Variants in MYH13 observed in about 807,000 individuals in gnomAD.
MYH13 encodes the protein myosin-13.
A neutral mutation model predicts 232.1 loss-of-function variants in MYH13; 177 were observed. That is an observed-to-expected ratio of 0.76 (90% CI 0.67 to 0.86). The LOEUF is 0.86. MYH13 is among the 40% of genes least tolerant of loss of function. The probability of loss-of-function intolerance (pLI) is 0.00; values close to 1 mark genes in which losing one functional copy is unlikely to be tolerated. For synonymous variants in MYH13, 884 were observed against 923.5 expected, an observed-to-expected ratio of 0.96 and a Z score of 0.78; for missense variants, 2,246 against 2,405.9, an observed-to-expected ratio of 0.93 and a Z score of 1.39.
chr17:10,367,930 A>G (rs2071849403), intron 2 of MYH13, among the ~76,000 whole-genome samples: 1 of 152,226 alleles, frequency 6.6e-6, no homozygotes, highest in African/African-American at 2.4e-5. Flanking sequence ...GACAAGTGGT[A>G]GTTTCTTAAA....
At position 10,326,981 on chromosome 17, in the gene MYH13, GTTTTTTTTTTTTTTT is replaced by G. The variant is rs61543278; in HGVS notation, c.2691+870_2691+884del. Among the ~76,000 whole-genome samples the G allele has an allele frequency of 7.4e-3, 411 of 55,808 alleles. 40 individuals carry two copies. Among genetic ancestry groups the G allele is most frequent in the African/African-American group, 0.028 (365 of 12,816 alleles). The allele number at this position is 55,808 out of a possible 152,430, so 36.6% of individuals were successfully genotyped here. A position where few individuals can be genotyped will look rare whatever the true frequency, so the allele number is the denominator to read the frequency against. ...GAGACATGCACCACCATGCCTACTA[GTTTTTTTTTTTTTTT>G]TTTTTTTTTTTTTTTTTTTTTTTGA... On this transcript the variant is annotated intron_variant, in intron 22 of 40. Transcript: ENST00000252172.
chr17:10,345,692 A>T (rs1567668430), intron 13 of MYH13, 76 bp from the exon 14 acceptor site: 1 of 1,609,362 alleles, frequency 6.2e-7, no homozygotes, highest in South Asian at 1.1e-5. Flanking sequence ...TATGAAATTG[A>T]CTCGAAAATC....
At position 10,350,543 on chromosome 17, in the gene MYH13, C is replaced by T. The variant is rs1419848216; in HGVS notation, c.1144+13G>A. The T allele has an allele frequency of 3.1e-6, 5 of 1,610,482 alleles. No individual in the cohort carries two copies. The South Asian group carries it at 5.5e-5, about 18-fold the overall frequency. ...GATGGACCCAATCGCATCCCTTTCC[C>T]AGATGCAGTTACCTTCGGTGCCGTC... is the stretch of plus-strand genomic sequence containing the variant. On this transcript the variant is annotated intron_variant, in intron 12 of 40. Transcript: ENST00000252172.
At chr17:10,324,569 C>T (rs1305816521) in intron 22 of MYH13, among the ~76,000 whole-genome samples, 1 of 152,044 alleles carries the variant, frequency 6.6e-6, no homozygotes, top group Non-Finnish European at 1.5e-5. Context: ...CTCAGCCTCC[C>T]GAGTTGCTGG....
chr17:10,314,186 G>A (rs1457473070), intron 29 of MYH13, among the ~76,000 whole-genome samples: 6 of 152,196 alleles, frequency 3.9e-5, no homozygotes, highest in South Asian at 2.1e-4. Flanking sequence ...TTGGGAGGCC[G>A]AGATGGGCGG....
Position 10,333,148 on chromosome 17 carries a change from G to C in MYH13, c.2100C>G (p.Asn700Lys), listed in dbSNP as rs2240579. 8 of 1,551,512 alleles carry C rather than the reference G, an allele frequency of 5.2e-6. No homozygotes were observed. Among genetic ancestry groups the C allele is most frequent in the Non-Finnish European group, 7.0e-6 (8 of 1,146,948 alleles). ...HYLVMHQLRCNGVLEGIRICR... is the reference protein window; with the variant it reads ...HYLVMHQLRCKGVLEGIRICR... ...AAATCCGGATGCCCTCGAGGACCCCGTTACAGCGCAGCTGGTGCATGACCA... is the reference window on the plus strand; with the variant it reads ...AAATCCGGATGCCCTCGAGGACCCCCTTACAGCGCAGCTGGTGCATGACCA... The change falls in exon 19 of 41, where the codon AAC (asparagine) becomes AAG (lysine). Residue 700 changes from asparagine to lysine, a missense_variant. By Grantham distance (94) the Asn-to-Lys change is moderately conservative. Coordinates refer to ENST00000252172, the MANE Select transcript of MYH13 (RefSeq NM_003802.3).
intron 11 of MYH13, among the ~76,000 whole-genome samples, chr17:10,354,198 A>T (rs1269453573): frequency 1.3e-5 from 2 of 152,178 alleles, no homozygotes; most frequent in African/African-American, 4.8e-5. Flanking sequence ...CAAAATAAAC[A>T]CCACAGGCCT....
Position 10,303,641 on chromosome 17 carries a change from T to G in MYH13, c.5467-143A>C, listed in dbSNP as rs147953917. 224 of 684,860 alleles carry G rather than the reference T, an allele frequency of 3.3e-4. 3 individuals carry two copies. In the East Asian group the frequency reaches 5.8e-3, roughly 18 times the overall value. 42.4% of individuals were successfully genotyped at this position (684,860 alleles called of 1,614,324 possible). On this transcript the variant is annotated intron_variant, in intron 37 of 40. Transcript: ENST00000252172. ...AGGAAACAACAGATGCTGGAGAGGA[T>G]GTGGAGAAATAGGAACACTTTTACA...
Position 10,315,666 on chromosome 17 carries a change from A to C in MYH13, c.3984+27T>G, listed in dbSNP as rs564300908. The stretch of plus-strand genomic sequence containing the variant: ...AAGTGGTCATATAGCCTGGCTTCTC[A>C]GGTTCAATCTGACTCTATATCTTTA... On this transcript the variant is annotated intron_variant, in intron 29 of 40. Transcript: ENST00000252172. 3.1e-6 allele frequency: 5 copies of C among 1,597,508 alleles called. No homozygotes were observed. The South Asian group carries it at 5.6e-5, about 18-fold the overall frequency.
chr17:10,364,106 A>T (rs898161127), intron 3 of MYH13, among the ~76,000 whole-genome samples: 1 of 152,136 alleles, frequency 6.6e-6, no homozygotes, highest in Non-Finnish European at 1.5e-5. Context: ...TAAAGCAAAC[A>T]CCACAAAACC....
intron 20 of MYH13, among the ~76,000 whole-genome samples, chr17:10,331,283 C>T (rs1435286890): frequency 6.6e-6 from 1 of 152,190 alleles, no homozygotes; most frequent in Non-Finnish European, 1.5e-5. Context: ...TCCAGGGAAA[C>T]TAAGCACCCT....
At chr17:10,311,790 T>A (rs1906516039) in intron 32 of MYH13, 121 bp downstream of exon 32, 8 of 1,154,960 alleles carry the variant, frequency 6.9e-6, no homozygotes, top group Non-Finnish European at 9.9e-6. Flanking sequence ...TGAGGCATGA[T>A]GGGTGAGGAT....
rs543090373 is a variant in MYH13, at chr17:10,303,499, C to G, written c.5467-1G>C. 5 of 1,613,480 alleles carry G rather than the reference C, an allele frequency of 3.1e-6. No homozygotes were observed. In the African/African-American group the frequency reaches 5.3e-5, roughly 17 times the overall value. ...CAAGCTCATTTTCCAGCTCCCGCAC[C>G]TGAGTAGGATGAAAGGAACACAGAA... On this transcript the variant is annotated splice_acceptor_variant, in intron 37 of 40. Transcript: ENST00000252172. LOFTEE classifies it high-confidence loss of function.
Position 10,330,638 on chromosome 17 carries a change from G to T in MYH13, c.2299-115C>A, listed in dbSNP as rs568240416. 3 of 1,392,944 alleles carry T rather than the reference G, an allele frequency of 2.2e-6. No homozygotes were observed. In the South Asian group the frequency reaches 4.3e-5, roughly 20 times the overall value. The allele number at this position is 1,392,944 out of a possible 1,614,324, so 86.3% of individuals were successfully genotyped here. ...GGCTCAACTCTCAGAGCACGGCAGG[G>T]GCAGCAATTCTGTTTCCAGGACTTG... is the stretch of plus-strand genomic sequence containing the variant. On this transcript the variant is annotated intron_variant, in intron 20 of 40. Coordinates refer to ENST00000252172, the MANE Select transcript of MYH13 (RefSeq NM_003802.3).
At position 10,360,205 on chromosome 17, in the gene MYH13, A is replaced by G. The variant is rs1391268994; in HGVS notation, c.506-17T>C. The G allele has an allele frequency of 6.2e-7, 1 of 1,611,052 alleles. No homozygotes were observed. Among genetic ancestry groups the G allele is most frequent in the Non-Finnish European group, 8.5e-7 (1 of 1,178,460 alleles). ...TGTCTCGATCTAGAAATGCAGAGGG[A>G]AGCAAAACAAAACAAATAAACAACA... is the stretch of plus-strand genomic sequence containing the variant. On this transcript the variant is annotated splice_polypyrimidine_tract_variant and intron_variant, in intron 5 of 40. Transcript: ENST00000252172.
chr17:10,301,004 C>T (rs1906069368), intron 40 of MYH13, 39 bp from the exon 41 acceptor site: 2 of 1,588,366 alleles, frequency 1.3e-6, no homozygotes, highest in Non-Finnish European at 1.7e-6. Context: ...GGAAATGAGT[C>T]AACTAAATGG....
intron 2 of MYH13, among the ~76,000 whole-genome samples, chr17:10,369,123 T>C (rs1277057740): frequency 6.6e-6 from 1 of 152,098 alleles, no homozygotes; most frequent in Non-Finnish European, 1.5e-5. Context: ...TATTACCTTA[T>C]TTTATCAAAA....
chr17:10,332,056 G>A (rs567168499), intron 20 of MYH13, 43 bp downstream of exon 20: 6 of 1,611,242 alleles, frequency 3.7e-6, no homozygotes, highest in South Asian at 3.3e-5. Context: ...GCAGCCCAGG[G>A]CTGTGGGGTT....
At chr17:10,308,443 CTTTTTTT>C (rs57432823) in intron 35 of MYH13, among the ~76,000 whole-genome samples, 9 of 113,086 alleles carry the variant, frequency 8.0e-5, no homozygotes, top group South Asian at 2.8e-4. Context: ...TTAATTAAAA[CTTTTTTT>C]TTTTTTTTTT....
Sources: allele counts gnomAD v4.1 joint callset (sites outside exome capture counted in the v4.1 genomes callset), GRCh38; gene constraint gnomAD v4.1.1; transcripts MANE v1.5; gene names NCBI Gene and HGNC (gene_info 2026-07-23, HGNC 2026-07-21).